Variants in KCTD18 observed in about 807,000 individuals in gnomAD.
The protein encoded by KCTD18 is BTB/POZ domain-containing protein KCTD18.
In KCTD18, 22 loss-of-function variants were observed where a neutral mutation model predicts 30.4. That is an observed-to-expected ratio of 0.72 (90% confidence interval 0.52 to 1.03). The LOEUF (loss-of-function observed/expected upper bound fraction) is 1.03, where lower values mean the gene tolerates loss of function less well. Ranked by LOEUF, KCTD18 falls within the 50% of genes least tolerant of loss-of-function variation. The pLI, the probability that KCTD18 is intolerant of heterozygous loss-of-function variation, is 0.00. For synonymous variants in KCTD18, 186 were observed against 209.0 expected (o/e 0.89, Z 0.95); for missense variants, 529 against 547.6 (o/e 0.97, Z 0.34).
chr2:200,497,923 AT>A (rs1383514625), intron 4 of KCTD18, 76 bp from the exon 5 acceptor site: 2 of 975,108 alleles, frequency 2.1e-6, no homozygotes, highest in Non-Finnish European at 3.2e-6. Context: ...GCTAATATAC[AT>A]TTAATAAGAG....
intron 2 of KCTD18, among the ~76,000 whole-genome samples, chr2:200,505,964 C>T (rs1425729665): frequency 1.3e-5 from 2 of 152,006 alleles, no homozygotes; most frequent in Non-Finnish European, 2.9e-5. Context: ...GAAGAAAACT[C>T]AATCCCTGCT....
intron 5 of KCTD18, chr2:200,497,107 G>A (rs549032907): frequency 1.3e-5 from 2 of 152,282 alleles, no homozygotes; most frequent in East Asian, 3.9e-4. Context: ...TCAATACATG[G>A]TTGTTAATTA....
Position 200,489,123 on chromosome 2 carries a change from A to G in KCTD18, c.*977T>C, listed in dbSNP as rs1461518896. ...GTGAAGGCATACTCTCACTGAAAGTAGAAATATGTGATCCAATTACAAAAC... is the reference window on the plus strand; with the variant it reads ...GTGAAGGCATACTCTCACTGAAAGTGGAAATATGTGATCCAATTACAAAAC... On this transcript the variant is annotated 3_prime_UTR_variant, in exon 7 of 7. Coordinates refer to ENST00000359878, the MANE Select transcript of KCTD18 (RefSeq NM_152387.4). 6.6e-6 allele frequency: 1 copy of G among 152,664 alleles called. No individual in the cohort carries two copies. The highest frequency in any genetic ancestry group is 1.5e-5 in the Non-Finnish European group (1 of 68,038). The allele number at this position is 152,664 out of a possible 1,614,324, so 9.5% of individuals were successfully genotyped here.
At position 200,498,900 on chromosome 2, in the gene KCTD18, A is replaced by G. The variant is rs1391975043; in HGVS notation, c.557T>C (p.Ile186Thr). Residue 186 changes from isoleucine to threonine, a missense_variant, in exon 4 of 7, where the codon ATT becomes ACT. Coordinates refer to ENST00000359878, the MANE Select transcript of KCTD18 (RefSeq NM_152387.4). ...QLGGRIHSKG[I>T]FKREAGNNVQ... is the part of the protein sequence containing the mutation. ...TTAAATTTGGACATACCTTTTAAAA[A>G]TGCCTTTGCTGTGAATTCTTCCTCC... 6.2e-7 allele frequency: 1 copy of G among 1,613,648 alleles called. No individual in the cohort carries two copies. Among genetic ancestry groups the G allele is most frequent in the Non-Finnish European group, 8.5e-7 (1 of 1,179,782 alleles).
chr2:200,506,539 A>C (rs1406491169), intron 2 of KCTD18, among the ~76,000 whole-genome samples: 1 of 152,250 alleles, frequency 6.6e-6, no homozygotes, highest in African/African-American at 2.4e-5. Flanking sequence ...GAGAGAAGCA[A>C]ATATATTTAA....
chr2:200,503,521 A>C (rs2029986492), intron 3 of KCTD18, among the ~76,000 whole-genome samples: 1 of 152,196 alleles, frequency 6.6e-6, no homozygotes, highest in African/African-American at 2.4e-5. Context: ...CTTTTTGAAT[A>C]AAAACCAGGA....
In KCTD18 at chr2:200,489,069, CCT is replaced by C. The variant is rs1374298534; in HGVS notation, c.*1029_*1030del. ...TGATAAGCATTTGAATAAAAAGTAC[CCT>C]GTTTTATGAGCTTATTTTTTAACAT... On this transcript the variant is annotated 3_prime_UTR_variant, in exon 7 of 7. Transcript: ENST00000359878. 1 of 152,322 alleles carries C rather than the reference CCT, an allele frequency of 6.6e-6. No homozygotes were observed. Among genetic ancestry groups the C allele is most frequent in the African/African-American group, 2.4e-5 (1 of 41,352 alleles). The allele number at this position is 152,322 out of a possible 1,614,324, so 9.4% of individuals were successfully genotyped here.
At position 200,490,331 on chromosome 2, in the gene KCTD18, C is replaced by G; in HGVS notation, c.1050G>C (p.Ala350=). The G allele has an allele frequency of 6.2e-7, 1 of 1,614,242 alleles. No homozygotes were observed. The highest frequency in any genetic ancestry group is 8.5e-7 in the Non-Finnish European group (1 of 1,180,036). ...PGHPQASPGA[A]SAENGGTHLP... ...AGTGCGTGCCTCCATTTTCAGCGCT[C>G]GCAGCCCCAGGGGAAGCCTGAGGAT... The change falls in exon 7 of 7, where the codon GCG becomes GCC. Residue 350 remains alanine (A), a synonymous_variant. Coordinates refer to ENST00000359878, the MANE Select transcript of KCTD18 (RefSeq NM_152387.4).
chr2:200,494,619 C>T (rs2087970132), intron 5 of KCTD18, among the ~76,000 whole-genome samples: 1 of 152,212 alleles, frequency 6.6e-6, no homozygotes, highest in Non-Finnish European at 1.5e-5. Flanking sequence ...CTTGATCACA[C>T]TCCAAAACCT....
In KCTD18 at chr2:200,507,111, C is replaced by T; in HGVS notation, c.-75-20G>A. The T allele has an allele frequency of 2.3e-6, 2 of 856,666 alleles. No individual in the cohort carries two copies. Among genetic ancestry groups the T allele is most frequent in the Middle Eastern group, 2.4e-4 (1 of 4,210 alleles). The allele number at this position is 856,666 out of a possible 1,614,324, so 53.1% of individuals were successfully genotyped here. On this transcript the variant is annotated intron_variant, in intron 1 of 6. Coordinates refer to ENST00000359878, the MANE Select transcript of KCTD18 (RefSeq NM_152387.4). Reference sequence around the variant, plus strand: ...CTCCCTCTGTAAAACAAAGGACAGTCATCCCCGCCATTTCCAACAAGACAC... The same window carrying T: ...CTCCCTCTGTAAAACAAAGGACAGTTATCCCCGCCATTTCCAACAAGACAC...
chr2:200,509,301 T>C (rs1559188524), intron 1 of KCTD18, among the ~76,000 whole-genome samples: 1 of 152,080 alleles, frequency 6.6e-6, no homozygotes, highest in Non-Finnish European at 1.5e-5. Flanking sequence ...CCCCAAGTTC[T>C]TCCTGCTTCA....
chr2:200,491,130 T>C (rs1642567438), intron 6 of KCTD18, among the ~76,000 whole-genome samples: 1 of 152,192 alleles, frequency 6.6e-6, no homozygotes, highest in Non-Finnish European at 1.5e-5. Flanking sequence ...GTTTGGGTCA[T>C]GGGGGAGGAT....
Position 200,504,793 on chromosome 2 carries a change from A to G in KCTD18, c.327T>C (p.Asn109=), listed in dbSNP as rs1185373066. The part of the protein sequence containing the change: ...YPYSLSDHLA[N]EMETYSLRSN... ...ACCTTAAAGAATATGTCTCCATTTC[A>G]TTGGCCAAATGGTCAGACAGGCTGT... The change falls in exon 3 of 7, where the codon AAT becomes AAC. Residue 109 remains asparagine (N), a synonymous_variant. Transcript: ENST00000359878. 6.2e-7 allele frequency: 1 copy of G among 1,614,046 alleles called. No homozygotes were observed. Among genetic ancestry groups the G allele is most frequent in the Non-Finnish European group, 8.5e-7 (1 of 1,180,008 alleles).
In KCTD18 at chr2:200,501,865, T is replaced by C. The variant is rs1173469085; in HGVS notation, c.373-2781A>G. On this transcript the variant is annotated intron_variant, in intron 3 of 6. Coordinates refer to ENST00000359878, the MANE Select transcript of KCTD18 (RefSeq NM_152387.4). ...ATGTTTATTGCGGCATTATTCACAA[T>C]AGCAAAGACTTGGAACCAACCCAAA... Among the ~76,000 whole-genome samples the C allele has an allele frequency of 1.8e-4, 27 of 150,666 alleles. No homozygotes were observed. The South Asian group carries it at 3.0e-3, about 16-fold the overall frequency.
intron 5 of KCTD18, chr2:200,497,447 T>C: frequency 4.9e-6 from 1 of 205,298 alleles, no homozygotes. Flanking sequence ...ACATATTTTA[T>C]GCTTAATTTG....
intron 6 of KCTD18, among the ~76,000 whole-genome samples, chr2:200,491,953 A>G (rs1559180925): frequency 6.6e-6 from 1 of 152,124 alleles, no homozygotes; most frequent in Non-Finnish European, 1.5e-5. Flanking sequence ...CTAAATCCCT[A>G]CTGAACATTT....
chr2:200,497,639 A>G, intron 5 of KCTD18, 114 bp downstream of exon 5: 1 of 760,556 alleles, frequency 1.3e-6, no homozygotes, highest in Non-Finnish European at 2.3e-6. Context: ...TGACAAATAC[A>G]TTGTAAGACT....
intron 6 of KCTD18, 78 bp from the exon 7 acceptor site, chr2:200,490,694 A>C: frequency 6.9e-7 from 1 of 1,440,932 alleles, no homozygotes; most frequent in Non-Finnish European, 9.3e-7. Flanking sequence ...GTTTACCTTC[A>C]GCATTAACAG....
chr2:200,490,197 G>A lies in KCTD18; in HGVS notation c.1184C>T (p.Thr395Met), dbSNP rs752742119. The A allele has an allele frequency of 6.2e-6, 10 of 1,614,030 alleles. No homozygotes were observed. The Admixed American group carries it at 1.0e-4, about 16-fold the overall frequency. ...GAGGGAGTTGGCCTGCCTCGTGGCC[G>A]TGGGGGAGGGCAGGCAAGGCGCGGT... The part of the protein sequence containing the change: ...CATAPCLPSP[T>M]ATRQANSLKP... Residue 395 changes from threonine (T) to methionine (M), a missense_variant, in exon 7 of 7, where the codon ACG becomes ATG. Coordinates refer to ENST00000359878, the MANE Select transcript of KCTD18 (RefSeq NM_152387.4).
Sources: allele counts gnomAD v4.1 joint callset (sites outside exome capture counted in the v4.1 genomes callset), GRCh38; gene constraint gnomAD v4.1.1; transcripts MANE v1.5; gene names NCBI Gene and HGNC (gene_info 2026-07-23, HGNC 2026-07-21).